Variants in THEM4 observed in about 807,000 individuals in gnomAD.
THEM4 encodes thioesterase superfamily member 4.
In THEM4, 22 loss-of-function variants were observed where a neutral mutation model predicts 25.0. The ratio of observed to expected loss-of-function variants is 0.88; its 90% confidence interval spans 0.63 to 1.26. The LOEUF (loss-of-function observed/expected upper bound fraction) is 1.26, where lower values mean the gene tolerates loss of function less well. Ranked by LOEUF, THEM4 falls within the 50% of genes most tolerant of loss-of-function variation. THEM4 has a pLI of 0.00. For synonymous variants in THEM4, 113 were observed against 105.6 expected (o/e 1.07, Z -0.43); for missense variants, 286 against 300.3 (o/e 0.95, Z 0.35).
intron 1 of THEM4, among the ~76,000 whole-genome samples, chr1:151,898,311 C>T (rs550509479): frequency 7.9e-5 from 12 of 152,258 alleles, no homozygotes; most frequent in South Asian, 4.2e-4. Flanking sequence ...CTGTGACTGC[C>T]GGCTTTCCCC....
chr1:151,889,506 T>G, intron 2 of THEM4, 133 bp from the exon 3 acceptor site: 1 of 846,842 alleles, frequency 1.2e-6, no homozygotes, highest in Admixed American at 2.8e-5. Context: ...GGTGCAAAAT[T>G]GAAAGGAATG....
At chr1:151,880,197 A>G (rs1653779552) in intron 4 of THEM4, among the ~76,000 whole-genome samples, 1 of 151,526 alleles carries the variant, frequency 6.6e-6, no homozygotes, top group South Asian at 2.1e-4. Context: ...AATTGAGAAC[A>G]GGCTGGGTGC....
At chr1:151,881,080 G>A (rs1338176834) in intron 4 of THEM4, among the ~76,000 whole-genome samples, 5 of 152,048 alleles carry the variant, frequency 3.3e-5, no homozygotes, top group East Asian at 3.9e-4. Context: ...CATTAACTCT[G>A]TTCATCTCCT....
chr1:151,879,151 A>T (rs2101716333), intron 4 of THEM4, among the ~76,000 whole-genome samples: 1 of 152,276 alleles, frequency 6.6e-6, no homozygotes, highest in East Asian at 1.9e-4. Flanking sequence ...AAAATTTCAA[A>T]AATTTATTAA....
intron 1 of THEM4, among the ~76,000 whole-genome samples, chr1:151,897,345 C>A (rs563783526): frequency 6.6e-6 from 1 of 152,302 alleles, no homozygotes; most frequent in African/African-American, 2.4e-5. Context: ...GGCTCCAATG[C>A]TGGCTTGGTG....
intron 4 of THEM4, among the ~76,000 whole-genome samples, chr1:151,883,669 C>A (rs922767736): frequency 2.0e-5 from 3 of 150,850 alleles, no homozygotes; most frequent in Non-Finnish European, 3.0e-5. Flanking sequence ...GAGTCTCACT[C>A]TGTTGCCCAG....
chr1:151,881,136 G>C lies in THEM4; in HGVS notation c.558-4011C>G, dbSNP rs534507841. Among the ~76,000 whole-genome samples, 63 of 152,070 alleles carry C rather than the reference G, an allele frequency of 4.1e-4. 1 individual carries two copies. The highest frequency in any genetic ancestry group is 1.5e-3 in the African/African-American group (61 of 41,502). On this transcript the variant is annotated intron_variant, in intron 4 of 5. Transcript: ENST00000368814. Reference sequence around the variant, plus strand: ...TATCCAGTATTTTAGCTGTCCTTTTGTTAATCACTATAATTTATTTATTGT... The same window carrying C: ...TATCCAGTATTTTAGCTGTCCTTTTCTTAATCACTATAATTTATTTATTGT...
At chr1:151,908,883 T>G (rs180977439) in intron 1 of THEM4, among the ~76,000 whole-genome samples, 143 of 152,314 alleles carry the variant, frequency 9.4e-4, no homozygotes, top group African/African-American at 3.4e-3. Context: ...CCTGTCTGTG[T>G]AGTTATATAT....
chr1:151,907,316 C>T (rs1371597732), intron 1 of THEM4, among the ~76,000 whole-genome samples: 1 of 152,226 alleles, frequency 6.6e-6, no homozygotes, highest in Non-Finnish European at 1.5e-5. Context: ...AACTATAACA[C>T]TCACCACGAG....
chr1:151,908,695 G>T (rs1654529342), intron 1 of THEM4, among the ~76,000 whole-genome samples: 1 of 152,072 alleles, frequency 6.6e-6, no homozygotes, highest in Admixed American at 6.5e-5. Flanking sequence ...ACCTTATTTT[G>T]CTGGAAAAAG....
At chr1:151,908,217 T>C (rs142772702) in intron 1 of THEM4, among the ~76,000 whole-genome samples, 12 of 152,364 alleles carry the variant, frequency 7.9e-5, no homozygotes, top group African/African-American at 2.9e-4. Context: ...TTACCGTTTA[T>C]ATTTTCTGTA....
intron 2 of THEM4, chr1:151,889,636 T>C: frequency 2.7e-6 from 1 of 372,484 alleles, no homozygotes; most frequent in Non-Finnish European, 4.9e-6. Context: ...CAATCAGGAA[T>C]ATAGTATATA....
chr1:151,905,082 G>A (rs1183971582), intron 1 of THEM4, among the ~76,000 whole-genome samples: 1 of 144,874 alleles, frequency 6.9e-6, no homozygotes, highest in Non-Finnish European at 1.5e-5. Context: ...CTGAACAGAG[G>A]AAAGGTCTTG....
chr1:151,880,535 G>A (rs2101717261), intron 4 of THEM4, among the ~76,000 whole-genome samples: 1 of 152,082 alleles, frequency 6.6e-6, no homozygotes. Flanking sequence ...AGGTGGGCTA[G>A]TCAACTTCTC....
rs1484171579 is a variant in THEM4, at chr1:151,873,970, C to T, written c.*918G>A. On this transcript the variant is annotated 3_prime_UTR_variant, in exon 6 of 6. Coordinates refer to ENST00000368814, the MANE Select transcript of THEM4 (RefSeq NM_053055.5). ...AAACAATCCAGTTTGTACTACTTTG[C>T]TACAGCAGCCCTAGGAAATGAACAC... 6.6e-6 allele frequency: 1 copy of T among 152,168 alleles called. No homozygotes were observed. Among genetic ancestry groups the T allele is most frequent in the African/African-American group, 2.4e-5 (1 of 41,444 alleles). 9.4% of individuals were successfully genotyped at this position (152,168 alleles called of 1,614,324 possible).
chr1:151,882,372 C>CAA (rs35928322), intron 4 of THEM4, among the ~76,000 whole-genome samples: 45 of 104,948 alleles, frequency 4.3e-4, no homozygotes, highest in African/African-American at 1.5e-3. Flanking sequence ...GACTCCATCT[C>CAA]AAAAAAAAAA....
Position 151,909,499 on chromosome 1 carries a change from G to C in THEM4, c.-41C>G. ...GGCCGCGCTTGCTCTAGCCCTGGAC[G>C]GCGCACTCTACCTCCGCCACAAGAG... On this transcript the variant is annotated 5_prime_UTR_variant, in exon 1 of 6. Transcript: ENST00000368814. 3.0e-6 allele frequency: 4 copies of C among 1,330,120 alleles called. No homozygotes were observed. Among genetic ancestry groups the C allele is most frequent in the Non-Finnish European group, 3.8e-6 (4 of 1,040,378 alleles). 82.4% of individuals were successfully genotyped at this position (1,330,120 alleles called of 1,614,324 possible).
intron 1 of THEM4, among the ~76,000 whole-genome samples, chr1:151,906,975 C>T (rs758118293): frequency 8.6e-5 from 13 of 151,946 alleles, no homozygotes; most frequent in Non-Finnish European, 1.5e-4. Context: ...AGTGGCAACC[C>T]GCTCGGGTCC....
rs1417230830 is a variant in THEM4 at position 151,887,627 on chromosome 1, TG to T, written c.557+645del. Among the ~76,000 whole-genome samples, 12 of 151,978 alleles carry T rather than the reference TG, an allele frequency of 7.9e-5. No individual in the cohort carries two copies. In the Middle Eastern group the frequency reaches 0.01, roughly 129 times the overall value. On this transcript the variant is annotated intron_variant, in intron 4 of 5. Transcript: ENST00000368814. ...GAAAAGACTCGGTGTTTTGTGTGTG[TG>T]TGTGTGTTTTTGTTGTTGTTGTTTT...
Sources: gnomAD v4.1 joint callset for allele counts (sites outside exome capture counted in the v4.1 genomes callset) on GRCh38, gnomAD v4.1.1 for gene constraint, MANE v1.5 for transcripts, NCBI Gene and HGNC (gene_info 2026-07-23, HGNC 2026-07-21) for gene names.